Variants in MED10 observed in about 807,000 individuals in gnomAD.
The protein encoded by MED10 is mediator complex subunit 10.
MED10 carries 9 observed loss-of-function variants against 17.2 expected under a neutral mutation model. That is an observed-to-expected ratio of 0.52 (90% CI 0.31 to 0.91). MED10 has a LOEUF of 0.91. MED10 is among the 40% of genes least tolerant of loss of function. MED10 has a pLI of 0.04. For synonymous variants in MED10, 66 were observed against 59.8 expected, an observed-to-expected ratio of 1.10 and a Z score of -0.48; for missense variants, 129 against 164.8, an observed-to-expected ratio of 0.78 and a Z score of 1.19.
At chr5:6,374,772 T>G (rs977947619) in intron 2 of MED10, 6 of 197,160 alleles carry the variant, frequency 3.0e-5, no homozygotes, top group African/African-American at 1.2e-4. Context: ...TTACAGCAGC[T>G]TGTATGGTAA....
chr5:6,373,661 T>C (rs1737934191), intron 3 of MED10, among the ~76,000 whole-genome samples: 1 of 152,158 alleles, frequency 6.6e-6, no homozygotes, highest in Non-Finnish European at 1.5e-5. Flanking sequence ...AGGCACCTAT[T>C]GTGAGCTGGG....
rs761907948 is a variant in MED10, at chr5:6,372,591, C to T, written c.320G>A (p.Ser107Asn). 53 of 1,613,420 alleles carry T rather than the reference C, an allele frequency of 3.3e-5. No individual in the cohort carries two copies. In the South Asian group the frequency reaches 5.5e-4, roughly 17 times the overall value. ...TTTAGAAAGTTCTTGAATCAACAGG[C>T]TTTTAAATTTCTACAAAGAAAATAC... ...GKIDTMKKFK[S>N]LLIQELSKVF... is the part of the protein sequence containing the mutation. The change falls in exon 4 of 4, where the codon AGC (serine) becomes AAC (asparagine). Residue 107 changes from serine (S) to asparagine (N), a missense_variant. Transcript: ENST00000255764.
At position 6,372,571 on chromosome 5, in the gene MED10, A is replaced by G; in HGVS notation, c.340T>C (p.Ser114Pro). The G allele has an allele frequency of 1.2e-6, 2 of 1,614,180 alleles. No homozygotes were observed. The highest frequency in any genetic ancestry group is 1.7e-6 in the Non-Finnish European group (2 of 1,179,994). ...GCCATGTCTTCCGGAAATACTTTAG[A>G]AAGTTCTTGAATCAACAGGCTTTTA... Reference protein sequence around the residue: ...KFKSLLIQELSKVFPEDMAKY... With the variant: ...KFKSLLIQELPKVFPEDMAKY... The change falls in exon 4 of 4, where the codon TCT becomes CCT. Residue 114 changes from serine (S) to proline (P), a missense_variant. Around this residue, in one of 3 missense-constraint regions of MED10, gnomAD observed 100 missense variants for 121.0 expected, o/e 0.83. Coordinates refer to ENST00000255764, the MANE Select transcript of MED10 (RefSeq NM_032286.3).
In MED10 at chr5:6,378,354, C is replaced by T. The variant is rs752961104; in HGVS notation, c.122+8G>A. 3 of 1,601,582 alleles carry T rather than the reference C, an allele frequency of 1.9e-6. No individual in the cohort carries two copies. The highest frequency in any genetic ancestry group is 1.7e-5 in the Admixed American group (1 of 58,952). On this transcript the variant is annotated splice_region_variant and intron_variant, in intron 1 of 3. Transcript: ENST00000255764. ...GGGAGACCCCGGCAGCCTCGGGCCG[C>T]CACTCACAGCTTTTGGTTGAGCCCG... is the stretch of plus-strand genomic sequence containing the variant.
At chr5:6,373,907 G>C (rs998928749) in intron 3 of MED10, among the ~76,000 whole-genome samples, 1 of 152,204 alleles carries the variant, frequency 6.6e-6, no homozygotes, top group Non-Finnish European at 1.5e-5. Flanking sequence ...ATGGTAAAAA[G>C]AAGTTTGGAG....
At position 6,377,157 on chromosome 5, in the gene MED10, GTTAC is replaced by G. The variant is rs1318156989; in HGVS notation, c.206+5_206+8del. On this transcript the variant is annotated splice_donor_5th_base_variant and intron_variant, in intron 2 of 3. Transcript: ENST00000255764. ...TATACCCAAGACTAATATCAAGAAT[GTTAC>G]TTACTCAAAAACTTCTAACGGTACA... The G allele has an allele frequency of 1.9e-6, 3 of 1,577,956 alleles. No individual in the cohort carries two copies. Among genetic ancestry groups the G allele is most frequent in the Non-Finnish European group, 2.6e-6 (3 of 1,151,344 alleles).
At chr5:6,376,900 C>A in intron 2 of MED10, 1 of 286,690 alleles carries the variant, frequency 3.5e-6, no homozygotes. Context: ...ATTTAATAAG[C>A]TTTTATTTAC....
At chr5:6,377,059 G>A (rs1738006999) in intron 2 of MED10, 107 bp downstream of exon 2, 2 of 621,656 alleles carry the variant, frequency 3.2e-6, no homozygotes, top group South Asian at 3.2e-5. Flanking sequence ...CCCAGGCTGT[G>A]CCTACCACAC....
intron 2 of MED10, among the ~76,000 whole-genome samples, chr5:6,376,017 C>A (rs1259857886): frequency 6.6e-6 from 1 of 152,190 alleles, no homozygotes; most frequent in Non-Finnish European, 1.5e-5. Flanking sequence ...CAGAAGAGCA[C>A]AAAGGAGGAT....
Position 6,377,261 on chromosome 5 carries a change from G to T in MED10, c.123-12C>A. 6.3e-7 allele frequency: 1 copy of T among 1,598,816 alleles called. No individual in the cohort carries two copies. Among genetic ancestry groups the T allele is most frequent in the Non-Finnish European group, 8.6e-7 (1 of 1,169,190 alleles). On this transcript the variant is annotated splice_polypyrimidine_tract_variant and intron_variant, in intron 1 of 3. Transcript: ENST00000255764. ...TAACAATAAAATTCCTGGGGGAAAGGCAAACACACAGGCATCTGGTTAATT... is the reference window on the plus strand; with the variant it reads ...TAACAATAAAATTCCTGGGGGAAAGTCAAACACACAGGCATCTGGTTAATT...
At chr5:6,376,304 A>G (rs1214601514) in intron 2 of MED10, among the ~76,000 whole-genome samples, 1 of 152,214 alleles carries the variant, frequency 6.6e-6, no homozygotes, top group African/African-American at 2.4e-5. Flanking sequence ...TTACTGCTTA[A>G]CGAAATCTAG....
rs1056767721 is a variant in MED10 at position 6,378,538 on chromosome 5, G to A, written c.-55C>T. On this transcript the variant is annotated 5_prime_UTR_variant, in exon 1 of 4. Transcript: ENST00000255764. ...CTCAACCAGCAGCGCCGCAGGCGTG[G>A]CCCTACGCTCCCGCTTCCTGCTTCC... The A allele has an allele frequency of 1.2e-5, 18 of 1,562,144 alleles. No individual in the cohort carries two copies. The highest frequency in any genetic ancestry group is 1.7e-4 in the Middle Eastern group (1 of 5,850).
intron 2 of MED10, 46 bp from the exon 3 acceptor site, chr5:6,374,472 T>C (rs1372423484): frequency 7.6e-7 from 1 of 1,309,436 alleles, no homozygotes; most frequent in South Asian, 1.2e-5. Context: ...GACTGACACC[T>C]ATTCTCACAG....
intron 3 of MED10, among the ~76,000 whole-genome samples, chr5:6,373,557 G>A (rs534139469): frequency 2.0e-5 from 3 of 152,238 alleles, no homozygotes; most frequent in African/African-American, 4.8e-5. Context: ...AGCTCCAGGC[G>A]GAGAAGATGA....
chr5:6,373,951 C>G (rs1737942778), intron 3 of MED10, among the ~76,000 whole-genome samples: 1 of 152,134 alleles, frequency 6.6e-6, no homozygotes, highest in African/African-American at 2.4e-5. Context: ...AATCAATATT[C>G]AAGAATCCTC....
intron 2 of MED10, among the ~76,000 whole-genome samples, chr5:6,375,541 C>T (rs1394496066): frequency 2.6e-5 from 4 of 152,130 alleles, no homozygotes; most frequent in African/African-American, 9.7e-5. Context: ...CAAGAAAAAC[C>T]TGACAGGCTC....
Position 6,372,396 on chromosome 5 carries a change from C to G in MED10, c.*107G>C. On this transcript the variant is annotated 3_prime_UTR_variant, in exon 4 of 4. Transcript: ENST00000255764. The stretch of plus-strand genomic sequence containing the variant: ...AGGACAGAGGGGCTGAGGGGTGTGT[C>G]CAGGGCCCAGTCCCACCTCAGCAGG... The G allele has an allele frequency of 1.1e-5, 10 of 903,818 alleles. No individual in the cohort carries two copies. The Middle Eastern group carries it at 1.7e-3, about 152-fold the overall frequency. The allele number at this position is 903,818 out of a possible 1,614,324, so 56.0% of individuals were successfully genotyped here.
intron 2 of MED10, among the ~76,000 whole-genome samples, chr5:6,376,135 C>G (rs996972156): frequency 3.3e-5 from 5 of 152,262 alleles, no homozygotes; most frequent in Middle Eastern, 3.4e-3. Context: ...CCACTGAGCA[C>G]AGGTAAGGAA....
At chr5:6,377,739 CGT>C (rs1359046847) in intron 1 of MED10, among the ~76,000 whole-genome samples, 1 of 152,338 alleles carries the variant, frequency 6.6e-6, no homozygotes, top group Non-Finnish European at 1.5e-5. Flanking sequence ...TTTCTATGTC[CGT>C]GCCACATATA....
Sources: gnomAD v4.1 joint callset for allele counts (sites outside exome capture counted in the v4.1 genomes callset) on GRCh38, gnomAD v4.1.1 for gene constraint, gnomAD v4.1.1 regional missense constraint, MANE v1.5 for transcripts, NCBI Gene and HGNC (gene_info 2026-07-23, HGNC 2026-07-21) for gene names.